Variants in GSKIP observed in about 807,000 individuals in gnomAD.
The protein encoded by GSKIP is GSK3B-interacting protein.
In GSKIP, 5 loss-of-function variants were observed where a neutral mutation model predicts 11.9. The ratio of observed to expected loss-of-function variants is 0.42; its 90% CI spans 0.22 to 0.89. GSKIP has a LOEUF of 0.89. GSKIP is among the 40% of genes least tolerant of loss of function. The pLI, the probability that GSKIP is intolerant of heterozygous loss-of-function variation, is 0.29. For synonymous variants in GSKIP, 70 were observed against 62.9 expected, an observed-to-expected ratio of 1.11 and a Z score of -0.54; for missense variants, 150 against 166.6, an observed-to-expected ratio of 0.90 and a Z score of 0.55.
chr14:96,385,384 C>T, intron 3 of GSKIP, 139 bp from the exon 4 acceptor site: 13 of 587,142 alleles, frequency 2.2e-5, no homozygotes, highest in South Asian at 9.1e-5. Context: ...ACTCAGTTAC[C>T]CATGTATCTG....
chr14:96,385,525 G>T lies in GSKIP; in HGVS notation c.261G>T (p.Val87=), dbSNP rs1313631290. Residue 87 remains valine, a splice_region_variant and synonymous_variant, in exon 4 of 4, where the codon GTG becomes GTT. Transcript: ENST00000555181. Reference sequence around the variant, plus strand: ...TCACTGTTGCATTTCTCTTGTAGGTGGTAGGCTATGCTTTTGACCAGGTAG... The same window carrying T: ...TCACTGTTGCATTTCTCTTGTAGGTTGTAGGCTATGCTTTTGACCAGGTAG... ...CLELTEAGLK[V]VGYAFDQVDD... The T allele has an allele frequency of 1.2e-6, 2 of 1,606,970 alleles. No individual in the cohort carries two copies. The highest frequency in any genetic ancestry group is 1.7e-6 in the Non-Finnish European group (2 of 1,177,272).
At chr14:96,367,424 A>G (rs1888917170) in intron 1 of GSKIP, among the ~76,000 whole-genome samples, 1 of 152,150 alleles carries the variant, frequency 6.6e-6, no homozygotes, top group Non-Finnish European at 1.5e-5. Flanking sequence ...TGATACAAAT[A>G]AAGGTAATCA....
intron 3 of GSKIP, chr14:96,384,681 T>C (rs1889440425): frequency 6.6e-6 from 1 of 152,052 alleles, no homozygotes; most frequent in Non-Finnish European, 1.5e-5. Flanking sequence ...ATCAGTTTAA[T>C]ATCTGTTATG....
At chr14:96,365,842 A>G (rs1173992778) in intron 1 of GSKIP, among the ~76,000 whole-genome samples, 1 of 151,930 alleles carries the variant, frequency 6.6e-6, no homozygotes, top group African/African-American at 2.4e-5. Context: ...TTAAAAAAAT[A>G]AAAAGAACTT....
chr14:96,366,369 T>C (rs2139925709), intron 1 of GSKIP, among the ~76,000 whole-genome samples: 1 of 152,380 alleles, frequency 6.6e-6, no homozygotes, highest in East Asian at 1.9e-4. Context: ...AACGACGGTT[T>C]TGCAATAACA....
At position 96,382,526 on chromosome 14, in the gene GSKIP, G is replaced by A; in HGVS notation, c.258+21G>A. The A allele has an allele frequency of 1.2e-5, 18 of 1,532,566 alleles. No homozygotes were observed. The Admixed American group carries it at 1.2e-4, about 10-fold the overall frequency. The allele number at this position is 1,532,566 out of a possible 1,614,324, so 94.9% of individuals were successfully genotyped here. ...TCAAGGTAACTCACTTTTCCTTTTAGAAAAAAAAATTATTTATGTCTTTAC... is the reference window on the plus strand; with the variant it reads ...TCAAGGTAACTCACTTTTCCTTTTAAAAAAAAAAATTATTTATGTCTTTAC... On this transcript the variant is annotated intron_variant, in intron 3 of 3. Transcript: ENST00000555181.
At chr14:96,376,432 T>G (rs1037466831) in intron 1 of GSKIP, among the ~76,000 whole-genome samples, 1 of 152,242 alleles carries the variant, frequency 6.6e-6, no homozygotes, top group African/African-American at 2.4e-5. Flanking sequence ...CAATTTTGAC[T>G]GACCTGTACC....
intron 3 of GSKIP, 119 bp from the exon 4 acceptor site, chr14:96,385,404 T>C (rs1469624358): frequency 1.4e-6 from 1 of 717,498 alleles, no homozygotes; most frequent in Admixed American, 2.7e-5. Flanking sequence ...GGTGGTCTAG[T>C]GGCTAGGAAA....
At position 96,363,837 on chromosome 14, in the gene GSKIP, A is replaced by T. The variant is rs533697782; in HGVS notation, c.-103+269A>T. Reference sequence around the variant, plus strand: ...GGGCTCCGCCGTCTCCGCTGGGAGGACTGGAGCCCTTCTCGAGCATCCCCG... The same window carrying T: ...GGGCTCCGCCGTCTCCGCTGGGAGGTCTGGAGCCCTTCTCGAGCATCCCCG... On this transcript the variant is annotated intron_variant, in intron 1 of 3. Transcript: ENST00000555181. The T allele has an allele frequency of 2.0e-5, 3 of 152,352 alleles. No individual in the cohort carries two copies. The South Asian group carries it at 6.2e-4, about 32-fold the overall frequency. The allele number at this position is 152,352 out of a possible 1,614,324, so 9.4% of individuals were successfully genotyped here.
At chr14:96,383,574 G>A (rs558882146) in intron 3 of GSKIP, among the ~76,000 whole-genome samples, 50 of 152,284 alleles carry the variant, frequency 3.3e-4, no homozygotes, top group African/African-American at 1.2e-3. Flanking sequence ...AAGGTGGTGA[G>A]CAAGGCCTGC....
chr14:96,369,195 A>G (rs1888979186), intron 1 of GSKIP, among the ~76,000 whole-genome samples: 6 of 152,230 alleles, frequency 3.9e-5, no homozygotes, highest in Admixed American at 3.9e-4. Context: ...GGTAGAAGAA[A>G]TGTCTAAGCA....
intron 1 of GSKIP, chr14:96,365,109 T>A (rs1322579023): frequency 1.3e-5 from 2 of 152,006 alleles, no homozygotes; most frequent in African/African-American, 4.8e-5. Context: ...ATAAATCTCT[T>A]CCTTCCTGGA....
chr14:96,385,772 A>G lies in GSKIP; in HGVS notation c.*88A>G, dbSNP rs1379321479. Reference sequence around the variant, plus strand: ...TCTTGCATATGGTCATAGAAAATGCATCTTTGGTTTTGTGTTTTTATCACT... The same window carrying G: ...TCTTGCATATGGTCATAGAAAATGCGTCTTTGGTTTTGTGTTTTTATCACT... On this transcript the variant is annotated 3_prime_UTR_variant, in exon 4 of 4. Transcript: ENST00000555181. The G allele has an allele frequency of 2.1e-5, 22 of 1,057,490 alleles. No homozygotes were observed. Among genetic ancestry groups the G allele is most frequent in the South Asian group, 3.4e-5 (2 of 59,178 alleles). The allele number at this position is 1,057,490 out of a possible 1,614,324, so 65.5% of individuals were successfully genotyped here.
chr14:96,371,419 A>T (rs1428913303), intron 1 of GSKIP, among the ~76,000 whole-genome samples: 1 of 151,358 alleles, frequency 6.6e-6, no homozygotes, highest in South Asian at 2.1e-4. Flanking sequence ...TTAGAATATT[A>T]AAAAATTAAA....
rs1349791594 is a variant in GSKIP, at chr14:96,386,531, A to G, written c.*847A>G. 6.6e-6 allele frequency: 1 copy of G among 152,646 alleles called. No homozygotes were observed. The highest frequency in any genetic ancestry group is 1.9e-4 in the East Asian group (1 of 5,200). The allele number at this position is 152,646 out of a possible 1,614,324, so 9.5% of individuals were successfully genotyped here. A position where few individuals can be genotyped will look rare whatever the true frequency, so the allele number is the denominator to read the frequency against. Reference sequence around the variant, plus strand: ...TCTTATTCTGAATGTGTGTTTACATAATGTACAGTATATATTCAGAAAGTA... The same window carrying G: ...TCTTATTCTGAATGTGTGTTTACATGATGTACAGTATATATTCAGAAAGTA... On this transcript the variant is annotated 3_prime_UTR_variant, in exon 4 of 4. Transcript: ENST00000555181.
intron 3 of GSKIP, 82 bp downstream of exon 3, chr14:96,382,587 G>A: frequency 9.5e-7 from 1 of 1,047,736 alleles, no homozygotes; most frequent in Non-Finnish European, 1.4e-6. Flanking sequence ...GGGAGGGGAA[G>A]AGTGTTAAAA....
intron 3 of GSKIP, among the ~76,000 whole-genome samples, chr14:96,383,724 T>C (rs72706807): frequency 0.16 from 23,980 of 152,212 alleles, 2,321 homozygotes; most frequent in Middle Eastern, 0.21. Flanking sequence ...TGTACTACCC[T>C]CAGTTCCCTC....
intron 2 of GSKIP, among the ~76,000 whole-genome samples, chr14:96,381,350 G>A (rs1297734052): frequency 6.6e-6 from 1 of 152,200 alleles, no homozygotes; most frequent in African/African-American, 2.4e-5. Context: ...GAAAAGATGA[G>A]TTATTCAGTA....
At chr14:96,382,805 T>C (rs759381754) in intron 3 of GSKIP, among the ~76,000 whole-genome samples, 1 of 152,212 alleles carries the variant, frequency 6.6e-6, no homozygotes, top group Non-Finnish European at 1.5e-5. Flanking sequence ...ACCAGAATTA[T>C]ACATACATTC....
Sources: gnomAD v4.1 joint callset for allele counts (sites outside exome capture counted in the v4.1 genomes callset) on GRCh38, gnomAD v4.1.1 for gene constraint, MANE v1.5 for transcripts, NCBI Gene and HGNC (gene_info 2026-07-23, HGNC 2026-07-21) for gene names.